The following DNAH10 variants were observed in gnomAD, a reference collection of about 807,000 sequenced individuals.
DNAH10 encodes dynein axonemal heavy chain 10.
In DNAH10, 348 loss-of-function variants were observed where a neutral mutation model predicts 506.6. The observed-to-expected ratio is 0.69, with a 90% CI of 0.63 to 0.75. The LOEUF (loss-of-function observed/expected upper bound fraction) is 0.75. Ranked by LOEUF, DNAH10 falls within the 30% of genes least tolerant of loss-of-function variation. The pLI is 0.00. For synonymous variants in DNAH10, 2,059 were observed against 2,198.6 expected (o/e 0.94, Z 1.78); for missense variants, 5,179 against 5,787.1 (o/e 0.89, Z 3.41).
chr12:123,765,731 T>C (rs948500293), intron 1 of DNAH10, among the ~76,000 whole-genome samples: 1 of 151,264 alleles, frequency 6.6e-6, no homozygotes, highest in African/African-American at 2.5e-5. Flanking sequence ...ACCTATCATC[T>C]ATCCATCTAT....
intron 9 of DNAH10, among the ~76,000 whole-genome samples, chr12:123,786,183 C>CTGTGGTTTCACCCCATGCT: frequency 6.6e-6 from 1 of 151,828 alleles, no homozygotes; most frequent in African/African-American, 2.4e-5. Context: ...AAACCCCATG[C>CTGTGGTTTCACCCCATGCT]GTGGTGGGCT....
At chr12:123,771,798 A>T (rs1397072004) in intron 3 of DNAH10, 100 bp downstream of exon 3, 1 of 1,030,908 alleles carries the variant, frequency 9.7e-7, no homozygotes, top group African/African-American at 1.6e-5. Context: ...GGGATTTATC[A>T]TGTTGGAATG....
At chr12:123,782,961 A>C (rs1957718688) in intron 6 of DNAH10, 146 bp from the exon 7 acceptor site, 1 of 618,476 alleles carries the variant, frequency 1.6e-6, no homozygotes, top group South Asian at 2.2e-5. Context: ...AGAGAATGAG[A>C]TACAGATATT....
At chr12:123,887,993 A>G (rs1466758457) in intron 52 of DNAH10, among the ~76,000 whole-genome samples, 1 of 152,092 alleles carries the variant, frequency 6.6e-6, no homozygotes, top group Admixed American at 6.5e-5. Context: ...ATCCACCCGC[A>G]TCGGCCTCCC....
At chr12:123,770,521 T>C (rs1957214102) in intron 2 of DNAH10, among the ~76,000 whole-genome samples, 1 of 150,734 alleles carries the variant, frequency 6.6e-6, no homozygotes, top group East Asian at 1.9e-4. Context: ...CTGTAGTCTA[T>C]TGCTAGTTCT....
intron 19 of DNAH10, among the ~76,000 whole-genome samples, chr12:123,811,413 C>T (rs1958927342): frequency 6.6e-6 from 1 of 151,990 alleles, no homozygotes; most frequent in Non-Finnish European, 1.5e-5. Context: ...ACCTCCACCT[C>T]CCGGGTGTGA....
Position 123,820,740 on chromosome 12 carries a change from G to A in DNAH10, c.4161G>A (p.Glu1387=), listed in dbSNP as rs759981114. 1.9e-6 allele frequency: 3 copies of A among 1,613,854 alleles called. No homozygotes were observed. Among genetic ancestry groups the A allele is most frequent in the Non-Finnish European group, 1.7e-6 (2 of 1,179,878 alleles). Residue 1387 remains glutamate, a synonymous_variant, in exon 24 of 79, where the codon GAG becomes GAA. Transcript: ENST00000673944. The part of the protein sequence containing the change: ...KEMSGLRMIY[E]LYEGLKVAKE... Reference sequence around the variant, plus strand: ...TGAGTGGGCTGAGGATGATTTACGAGCTCTATGAAGGACTAAAGGTGAGCA... The same window carrying A: ...TGAGTGGGCTGAGGATGATTTACGAACTCTATGAAGGACTAAAGGTGAGCA...
chr12:123,777,082 C>T (rs80228542), intron 5 of DNAH10, among the ~76,000 whole-genome samples: 2 of 152,228 alleles, frequency 1.3e-5, no homozygotes, highest in African/African-American at 4.8e-5. Flanking sequence ...AAGTCCAAAC[C>T]AACACAATAT....
rs1005033109 is a variant in DNAH10 at position 123,903,207 on chromosome 12, C to T, written c.9815+94C>T. 7 of 1,409,730 alleles carry T rather than the reference C, an allele frequency of 5.0e-6. No homozygotes were observed. The highest frequency in any genetic ancestry group is 2.9e-5 in the African/African-American group (2 of 68,828). 87.3% of individuals were successfully genotyped at this position (1,409,730 alleles called of 1,614,324 possible). ...GGCAACCAGGAGCTTACAAAGGAGC[C>T]GATGCCACATGCTGCCACTGTGCCT... On this transcript the variant is annotated intron_variant, in intron 57 of 78. Transcript: ENST00000673944. This position sits in a 1 kb window ranked among gnomAD's most constrained non-coding sequence, Gnocchi z 4.6.
Position 123,901,818 on chromosome 12 carries a change from G to A in DNAH10, c.9641-1121G>A, listed in dbSNP as rs570445634. On this transcript the variant is annotated intron_variant, in intron 56 of 78. Coordinates refer to ENST00000673944, the MANE Select transcript of DNAH10 (RefSeq NM_001372106.1). ...TGGGATTACAGGTGCCCGTCACCACGCCTAGCTAATTTTTGTATTTTTAGT... is the reference window on the plus strand; with the variant it reads ...TGGGATTACAGGTGCCCGTCACCACACCTAGCTAATTTTTGTATTTTTAGT... Among the ~76,000 whole-genome samples the A allele has an allele frequency of 4.3e-4, 66 of 152,126 alleles. 1 individual carries two copies. Among genetic ancestry groups the A allele is most frequent in the African/African-American group, 1.5e-3 (61 of 41,490 alleles).
At position 123,931,454 on chromosome 12, in the gene DNAH10, G is replaced by A. The variant is rs1172668313; in HGVS notation, c.12898G>A (p.Glu4300Lys). Reference sequence around the variant, plus strand: ...TCGAGACATGTGGGCTCACCTGCTGGAGCTGCAGCCTCAGACAGGTAAACT... The same window carrying A: ...TCGAGACATGTGGGCTCACCTGCTGAAGCTGCAGCCTCAGACAGGTAAACT... ...AARDMWAHLL[E>K]LQPQTGESSS... The change falls in exon 74 of 79, where the codon GAG becomes AAG. Residue 4300 changes from glutamate to lysine, a missense_variant. Physicochemically the swap from Glu to Lys is moderately conservative, Grantham distance 56. Around this residue, in one of 3 missense-constraint regions of DNAH10, gnomAD observed 4,844 missense variants for 5,430.5 expected, o/e 0.89. Transcript: ENST00000673944. The A allele has an allele frequency of 6.2e-7, 1 of 1,613,768 alleles. No individual in the cohort carries two copies. Among genetic ancestry groups the A allele is most frequent in the Non-Finnish European group, 8.5e-7 (1 of 1,179,816 alleles).
intron 39 of DNAH10, 96 bp from the exon 40 acceptor site, chr12:123,864,499 G>A (rs1422923402): frequency 2.0e-6 from 3 of 1,491,158 alleles, no homozygotes; most frequent in Middle Eastern, 1.8e-4. Flanking sequence ...GAAAACCCTG[G>A]GAAAAAGACA....
intron 27 of DNAH10, 109 bp downstream of exon 27, chr12:123,833,456 G>C (rs1960793452): frequency 1.2e-6 from 1 of 814,152 alleles, no homozygotes. Flanking sequence ...TTTGTGCTTA[G>C]AAACAAATGA....
intron 41 of DNAH10, 136 bp downstream of exon 41, chr12:123,866,209 G>A (rs1418903886): frequency 5.6e-6 from 1 of 179,810 alleles, no homozygotes; most frequent in Non-Finnish European, 1.0e-5. Flanking sequence ...CACAAAATAA[G>A]TGAAAACATG....
chr12:123,896,182 G>A (rs943862396), intron 54 of DNAH10, among the ~76,000 whole-genome samples: 11 of 151,158 alleles, frequency 7.3e-5, no homozygotes, highest in Non-Finnish European at 1.3e-4. Context: ...GAGAGAGAGA[G>A]AGAGAGAGAG....
chr12:123,796,885 T>C lies in DNAH10; in HGVS notation c.2163+53T>C, dbSNP rs555037713. Reference sequence around the variant, plus strand: ...CTTTTGTATTTGATTTTTTTTTTTTTTTTGAGATGGAGTCTCGCTCTGTCG... The same window carrying C: ...CTTTTGTATTTGATTTTTTTTTTTTCTTTGAGATGGAGTCTCGCTCTGTCG... On this transcript the variant is annotated intron_variant, in intron 13 of 78. Coordinates refer to ENST00000673944, the MANE Select transcript of DNAH10 (RefSeq NM_001372106.1). The C allele has an allele frequency of 2.8e-3, 4,313 of 1,514,458 alleles. 111 individuals are homozygous for C. The African/African-American group carries it at 0.047, about 16-fold the overall frequency. 93.8% of individuals were successfully genotyped at this position (1,514,458 alleles called of 1,614,324 possible).
chr12:123,853,151 T>G lies in DNAH10; in HGVS notation c.6292-55T>G. 1.4e-6 allele frequency: 2 copies of G among 1,475,180 alleles called. No individual in the cohort carries two copies. Among genetic ancestry groups the G allele is most frequent in the Non-Finnish European group, 1.8e-6 (2 of 1,104,680 alleles). The allele number at this position is 1,475,180 out of a possible 1,614,324, so 91.4% of individuals were successfully genotyped here. On this transcript the variant is annotated intron_variant, in intron 35 of 78. Coordinates refer to ENST00000673944, the MANE Select transcript of DNAH10 (RefSeq NM_001372106.1). The surrounding 1 kb of genome is among the most constrained non-coding windows in gnomAD (Gnocchi z 4.7). The stretch of plus-strand genomic sequence containing the variant: ...CATTTGTAGAATGATGCTCCATTGC[T>G]TTTGAATCATTTTCTTTTTTCTTTT...
At chr12:123,924,138 G>A (rs1954840447) in intron 66 of DNAH10, 140 bp from the exon 67 acceptor site, 1 of 1,207,842 alleles carries the variant, frequency 8.3e-7, no homozygotes, top group Non-Finnish European at 1.1e-6. Context: ...GCGGTGACGA[G>A]GGCAAGCCTG....
chr12:123,848,026 C>A lies in DNAH10; in HGVS notation c.5880C>A (p.Thr1960=). 2 of 1,614,026 alleles carry A rather than the reference C, an allele frequency of 1.2e-6. No individual in the cohort carries two copies. The highest frequency in any genetic ancestry group is 1.7e-6 in the Non-Finnish European group (2 of 1,179,878). The change falls in exon 33 of 79, where the codon ACC becomes ACA. Residue 1960 remains threonine, a synonymous_variant. Coordinates refer to ENST00000673944, the MANE Select transcript of DNAH10 (RefSeq NM_001372106.1). ...CAGGAACCGGCAAAACCGAGACCAC[C>A]AAGGACCTGGCGAAAGCCTTGGGCT... ...GPAGTGKTET[T]KDLAKALGLL... is the part of the protein sequence containing the mutation.
Sources: allele counts gnomAD v4.1 joint callset (sites outside exome capture counted in the v4.1 genomes callset), GRCh38; gene constraint gnomAD v4.1.1; regional missense constraint gnomAD v4.1.1; non-coding constraint Gnocchi (gnomAD v3.1); transcripts MANE v1.5; gene names NCBI Gene and HGNC (gene_info 2026-07-23, HGNC 2026-07-21).